HPRT1: variants seen among roughly 807,000 people sequenced by gnomAD.
HPRT1 encodes the protein hypoxanthine phosphoribosyltransferase 1.
A neutral mutation model predicts 19.0 loss-of-function variants in HPRT1; 4 were observed. The ratio of observed to expected loss-of-function variants is 0.21; its 90% confidence interval spans 0.10 to 0.48. HPRT1 has a LOEUF of 0.48. Among genes scored for constraint, HPRT1 ranks in the 20% least tolerant of loss-of-function variants. The pLI, the probability that HPRT1 is intolerant of heterozygous loss-of-function variation, is 0.98. For synonymous variants in HPRT1, 53 were observed against 54.9 expected (o/e 0.97, Z 0.15); for missense variants, 65 against 164.0 (o/e 0.40, Z 3.30).
At position 134,475,243 on chromosome X, in the gene HPRT1, G is replaced by A. The variant is rs1213969133; in HGVS notation, c.197G>A (p.Cys66Tyr). 1 of 1,197,243 alleles carries A rather than the reference G, an allele frequency of 8.4e-7. No homozygotes were observed. The highest frequency in any genetic ancestry group is 1.1e-6 in the Non-Finnish European group (1 of 882,331). The change falls in exon 3 of 9, where the codon TGT becomes TAT. Residue 66 changes from cysteine (C) to tyrosine (Y), a missense_variant. Cys to Tyr is a radical substitution (Grantham distance 194). Coordinates refer to ENST00000298556, the MANE Select transcript of HPRT1 (RefSeq NM_000194.3). ...GGAGGCCATCACATTGTAGCCCTCT[G>A]TGTGCTCAAGGGGGGCTATAAATTC... ...EMGGHHIVAL[C>Y]VLKGGYKFFA...
intron 3 of HPRT1, among the ~76,000 whole-genome samples, chrX:134,476,099 A>G (rs187483772): frequency 9.7e-4 from 109 of 112,371 alleles, no homozygotes; most frequent in Non-Finnish European, 1.6e-3. Context: ...AGATTAGAAC[A>G]AATGTCCAGT....
At chrX:134,465,023 C>G (rs1173208880) in intron 1 of HPRT1, among the ~76,000 whole-genome samples, 1 of 109,603 alleles carries the variant, frequency 9.1e-6, no homozygotes, top group African/African-American at 3.3e-5. Context: ...TGGGTTCTAG[C>G]AATTCTCCTG....
intron 3 of HPRT1, among the ~76,000 whole-genome samples, chrX:134,479,292 G>A (rs57707143): frequency 0.1 from 11,225 of 109,754 alleles, 482 homozygotes; most frequent in East Asian, 0.22. Flanking sequence ...TTTTTGAGAC[G>A]AAGTCTCACT....
intron 5 of HPRT1, among the ~76,000 whole-genome samples, chrX:134,493,066 T>A (rs2077671779): frequency 8.9e-6 from 1 of 112,099 alleles, no homozygotes; most frequent in South Asian, 3.7e-4. Context: ...TAGCTGAGAT[T>A]CACTTTTATG....
intron 6 of HPRT1, among the ~76,000 whole-genome samples, chrX:134,494,438 T>G (rs1290961377): frequency 8.9e-6 from 1 of 112,226 alleles, no homozygotes; most frequent in South Asian, 3.7e-4. Flanking sequence ...ATAAGCCCTT[T>G]TGAAAAAATC....
intron 1 of HPRT1, among the ~76,000 whole-genome samples, chrX:134,471,858 C>G (rs2077611226): frequency 9.0e-6 from 1 of 111,725 alleles, no homozygotes; most frequent in Admixed American, 9.5e-5. Context: ...AGGCTGGTCT[C>G]TAACTCCTGA....
At chrX:134,463,557 A>G (rs770551139) in intron 1 of HPRT1, among the ~76,000 whole-genome samples, 49 of 111,462 alleles carry the variant, frequency 4.4e-4, no homozygotes, top group African/African-American at 1.5e-3. Flanking sequence ...CTTTCTGTGA[A>G]TTTAGCACTG....
intron 3 of HPRT1, among the ~76,000 whole-genome samples, chrX:134,477,845 T>C (rs1414434151): frequency 9.0e-6 from 1 of 110,745 alleles, no homozygotes; most frequent in Non-Finnish European, 1.9e-5. Context: ...TGGCTAATTT[T>C]TTTTTATGTT....
intron 3 of HPRT1, among the ~76,000 whole-genome samples, chrX:134,483,635 A>C (rs2077645376): frequency 9.0e-6 from 1 of 110,710 alleles, no homozygotes; most frequent in African/African-American, 3.3e-5. Context: ...CTTAACCATA[A>C]TTAAAGATGA....
chrX:134,462,617 C>T (rs952758026), intron 1 of HPRT1, among the ~76,000 whole-genome samples: 3 of 112,291 alleles, frequency 2.7e-5, no homozygotes, highest in Middle Eastern at 4.2e-3. Context: ...CGTGCCTGGC[C>T]TAGGTAGACG....
At chrX:134,464,818 C>T (rs17883755) in intron 1 of HPRT1, among the ~76,000 whole-genome samples, 3 of 110,619 alleles carry the variant, frequency 2.7e-5, no homozygotes, top group Non-Finnish European at 5.7e-5. Flanking sequence ...CTGCCTGCTT[C>T]GGCCTCCCAA....
At chrX:134,494,450 C>T (rs1172367295) in intron 6 of HPRT1, among the ~76,000 whole-genome samples, 1 of 111,742 alleles carries the variant, frequency 8.9e-6, no homozygotes, top group Admixed American at 9.6e-5. Flanking sequence ...GAAAAAATCA[C>T]GGTATCTGTC....
chrX:134,489,587 T>C (rs1403764595), intron 4 of HPRT1, among the ~76,000 whole-genome samples: 2 of 111,310 alleles, frequency 1.8e-5, no homozygotes, highest in Non-Finnish European at 3.8e-5. Flanking sequence ...GGGGTAATTA[T>C]TAGATGGTAT....
chrX:134,476,029 G>A (rs2077624493), intron 3 of HPRT1, among the ~76,000 whole-genome samples: 1 of 111,948 alleles, frequency 8.9e-6, no homozygotes, highest in Non-Finnish European at 1.9e-5. Context: ...TTTATGTTGG[G>A]TTGGTATTTC....
intron 1 of HPRT1, among the ~76,000 whole-genome samples, chrX:134,463,969 A>ACT (rs1004763796): frequency 2.7e-5 from 3 of 112,092 alleles, no homozygotes; most frequent in Non-Finnish European, 5.6e-5. Context: ...TTATGGAACT[A>ACT]CTGTCTTCAG....
At chrX:134,488,419 G>A (rs772736986) in intron 4 of HPRT1, among the ~76,000 whole-genome samples, 208 of 110,926 alleles carry the variant, frequency 1.9e-3, no homozygotes, top group Non-Finnish European at 2.2e-3. Flanking sequence ...TTACGGGTGT[G>A]AGCCACCCTG....
intron 3 of HPRT1, among the ~76,000 whole-genome samples, chrX:134,478,295 C>A (rs1254579837): frequency 9.0e-6 from 1 of 111,554 alleles, no homozygotes; most frequent in African/African-American, 3.3e-5. Context: ...ATAAAAACTC[C>A]ATTTTTCTTA....
At chrX:134,492,777 G>C (rs372992962) in intron 5 of HPRT1, among the ~76,000 whole-genome samples, 15 of 111,700 alleles carry the variant, frequency 1.3e-4, no homozygotes, top group Non-Finnish European at 2.4e-4. Flanking sequence ...GTGTACACCA[G>C]GAGGCAGGAA....
At chrX:134,472,716 G>C (rs2077613516) in intron 1 of HPRT1, among the ~76,000 whole-genome samples, 1 of 109,896 alleles carries the variant, frequency 9.1e-6, no homozygotes, top group Non-Finnish European at 1.9e-5. Flanking sequence ...ACAGGCTCCT[G>C]CCACCACGCC....
Sources: allele counts gnomAD v4.1 joint callset (sites outside exome capture counted in the v4.1 genomes callset), GRCh38; gene constraint gnomAD v4.1.1; transcripts MANE v1.5; gene names NCBI Gene and HGNC (gene_info 2026-07-23, HGNC 2026-07-21).